Variants in CDH13 observed in about 807,000 individuals in gnomAD.
CDH13 encodes the protein cadherin-13.
CDH13 carries 24 observed loss-of-function variants against 63.8 expected under a neutral mutation model. That is an observed-to-expected ratio of 0.38 (90% confidence interval 0.27 to 0.53). The LOEUF is 0.53. Among genes scored for constraint, CDH13 ranks in the 20% least tolerant of loss-of-function variants. The pLI is 0.85. For missense variants in CDH13, 1,049 were observed against 903.1 expected, an observed-to-expected ratio of 1.16 and a Z score of -2.07; for synonymous variants, 503 against 355.3, an observed-to-expected ratio of 1.42 and a Z score of -4.67.
intron 3 of CDH13, among the ~76,000 whole-genome samples, chr16:83,108,011 C>T (rs1020758980): frequency 2.6e-5 from 4 of 152,054 alleles, no homozygotes; most frequent in East Asian, 1.9e-4. Flanking sequence ...TTAGTAGAGA[C>T]GGGGTTTCAC....
At chr16:83,182,067 G>T (rs150006792) in intron 4 of CDH13, among the ~76,000 whole-genome samples, 1 of 152,234 alleles carries the variant, frequency 6.6e-6, no homozygotes, top group Admixed American at 6.5e-5. Context: ...TGCATTGTCT[G>T]GTACTCAGTA....
chr16:83,588,797 G>C (rs1055595972), intron 7 of CDH13, among the ~76,000 whole-genome samples: 1 of 152,220 alleles, frequency 6.6e-6, no homozygotes, highest in African/African-American at 2.4e-5. Flanking sequence ...AAATGACAGA[G>C]GATGTCATCC....
chr16:83,137,556 A>C (rs1308432490), intron 4 of CDH13, among the ~76,000 whole-genome samples: 1 of 152,230 alleles, frequency 6.6e-6, no homozygotes, highest in Non-Finnish European at 1.5e-5. Flanking sequence ...GCCTCGCTTC[A>C]GACAACGCTT....
chr16:83,397,650 T>A (rs373694088), intron 6 of CDH13, among the ~76,000 whole-genome samples: 2 of 152,236 alleles, frequency 1.3e-5, no homozygotes, highest in East Asian at 1.9e-4. Context: ...GCTTGAAGAG[T>A]TGCTTATTTG....
At chr16:82,715,982 T>C (rs1746570716) in intron 1 of CDH13, among the ~76,000 whole-genome samples, 1 of 152,174 alleles carries the variant, frequency 6.6e-6, no homozygotes, top group African/African-American at 2.4e-5. Flanking sequence ...TACTGGGTGT[T>C]GAAAACTCAG....
chr16:83,029,189 C>T (rs1430519649), intron 2 of CDH13, among the ~76,000 whole-genome samples: 1 of 152,084 alleles, frequency 6.6e-6, no homozygotes, highest in Non-Finnish European at 1.5e-5. Context: ...TTATTATCAC[C>T]CTAAGTATCA....
At chr16:83,129,053 T>G (rs774087254) in intron 4 of CDH13, among the ~76,000 whole-genome samples, 38 of 152,224 alleles carry the variant, frequency 2.5e-4, no homozygotes, top group Non-Finnish European at 4.1e-4. Context: ...TTGTTTCTAT[T>G]TATCTGTCTT....
chr16:82,662,024 T>C (rs1912006986), intron 1 of CDH13, among the ~76,000 whole-genome samples: 1 of 152,242 alleles, frequency 6.6e-6, no homozygotes, highest in African/African-American at 2.4e-5. Flanking sequence ...CTAGTGGTTC[T>C]CATGTGCAGA....
chr16:83,142,556 A>G (rs964787466), intron 4 of CDH13, among the ~76,000 whole-genome samples: 5 of 152,084 alleles, frequency 3.3e-5, no homozygotes, highest in African/African-American at 9.7e-5. Context: ...CCCAAACTGA[A>G]TCAGGTCCTT....
intron 8 of CDH13, among the ~76,000 whole-genome samples, chr16:83,617,611 C>A (rs1465225510): frequency 1.3e-5 from 2 of 151,200 alleles, no homozygotes; most frequent in Non-Finnish European, 2.9e-5. Context: ...ATGTACATAT[C>A]TTAATATGCA....
intron 3 of CDH13, among the ~76,000 whole-genome samples, chr16:83,076,489 G>A (rs568949018): frequency 6.6e-6 from 1 of 152,218 alleles, no homozygotes; most frequent in South Asian, 2.1e-4. Flanking sequence ...TTTCTGAACC[G>A]TGACGTTTCC....
chr16:83,520,240 A>T (rs2074798088), intron 7 of CDH13, among the ~76,000 whole-genome samples: 1 of 152,214 alleles, frequency 6.6e-6, no homozygotes, highest in Non-Finnish European at 1.5e-5. Context: ...CACAGGCTCT[A>T]AGTGGAGCAA....
chr16:83,566,604 G>T (rs1326163051), intron 7 of CDH13, among the ~76,000 whole-genome samples: 1 of 152,128 alleles, frequency 6.6e-6, no homozygotes, highest in Non-Finnish European at 1.5e-5. Flanking sequence ...CCCTGAGCAG[G>T]CATGGGTTTA....
chr16:82,800,963 A>G (rs1472299993), intron 1 of CDH13, among the ~76,000 whole-genome samples: 1 of 152,152 alleles, frequency 6.6e-6, no homozygotes, highest in Admixed American at 6.5e-5. Context: ...AACAAGGAGA[A>G]AAAAAGGGAA....
At position 83,032,198 on chromosome 16, in the gene CDH13, G is replaced by C. The variant is rs756966285; in HGVS notation, c.346G>C (p.Asp116His). 7.4e-6 allele frequency: 12 copies of C among 1,613,486 alleles called. No homozygotes were observed. Among genetic ancestry groups the C allele is most frequent in the Admixed American group, 1.7e-5 (1 of 59,982 alleles). The change falls in exon 3 of 14, where the codon GAC becomes CAC. Residue 116 changes from aspartate (D) to histidine (H), a missense_variant. Physicochemically the swap from Asp to His is moderately conservative, Grantham distance 81. Coordinates refer to ENST00000567109, the MANE Select transcript of CDH13 (RefSeq NM_001257.5). ...AGAACTCGTGATTGTCGGGGGGAAA[G>C]ACATCCAGGGCTCCTTGCAGGTAAC... ...MAELVIVGGK[D>H]IQGSLQDIFK... is the part of the protein sequence containing the mutation.
At chr16:83,022,293 C>G (rs1915415840) in intron 2 of CDH13, among the ~76,000 whole-genome samples, 1 of 152,204 alleles carries the variant, frequency 6.6e-6, no homozygotes, top group Non-Finnish European at 1.5e-5. Context: ...GAATTGAATT[C>G]TGTTTTTCCA....
intron 1 of CDH13, among the ~76,000 whole-genome samples, chr16:82,658,761 C>A (rs568245493): frequency 1.6e-4 from 24 of 152,268 alleles, no homozygotes; most frequent in African/African-American, 5.8e-4. Flanking sequence ...TGCCCAGTGT[C>A]TTGTTTCTCT....
chr16:83,704,061 C>T (rs1371176897), intron 10 of CDH13, among the ~76,000 whole-genome samples: 1 of 152,160 alleles, frequency 6.6e-6, no homozygotes, highest in East Asian at 1.9e-4. Flanking sequence ...AACCCTTCAA[C>T]CCAGACTTCA....
At chr16:83,239,612 C>T (rs760041144) in intron 5 of CDH13, among the ~76,000 whole-genome samples, 4 of 152,230 alleles carry the variant, frequency 2.6e-5, no homozygotes, top group Admixed American at 6.5e-5. Context: ...AGTCTGTCTA[C>T]TTTCTGTGAC....
Sources: allele counts gnomAD v4.1 joint callset (sites outside exome capture counted in the v4.1 genomes callset), GRCh38; gene constraint gnomAD v4.1.1; transcripts MANE v1.5; gene names NCBI Gene and HGNC (gene_info 2026-07-23, HGNC 2026-07-21).